The following ARHGAP15 variants were observed in gnomAD, a reference collection of about 807,000 sequenced individuals.
ARHGAP15 encodes Rho GTPase activating protein 15, also known as rho GTPase-activating protein 15.
Under a neutral mutation model 63.7 loss-of-function variants are expected in ARHGAP15, and 51 were observed. That is an observed-to-expected ratio of 0.80 (90% CI 0.64 to 1.01). The LOEUF is 1.01. ARHGAP15 is among the 50% of genes least tolerant of loss of function. The pLI, the probability that ARHGAP15 is intolerant of heterozygous loss-of-function variation, is 0.00. For synonymous variants in ARHGAP15, 191 were observed against 193.8 expected, an observed-to-expected ratio of 0.99 and a Z score of 0.12; for missense variants, 560 against 564.6, an observed-to-expected ratio of 0.99 and a Z score of 0.08.
intron 8 of ARHGAP15, among the ~76,000 whole-genome samples, chr2:143,471,197 C>CTT (rs1691544945): frequency 7.1e-6 from 1 of 140,018 alleles, no homozygotes; most frequent in African/African-American, 2.6e-5. Flanking sequence ...TATATACACA[C>CTT]ATATATGTGT....
intron 5 of ARHGAP15, among the ~76,000 whole-genome samples, chr2:143,235,678 C>T (rs1421931719): frequency 6.6e-6 from 1 of 152,182 alleles, no homozygotes; most frequent in Non-Finnish European, 1.5e-5. Flanking sequence ...GAGGATGCTC[C>T]TTCTTCGAGG....
intron 6 of ARHGAP15, among the ~76,000 whole-genome samples, chr2:143,430,353 A>C (rs1001151647): frequency 6.6e-6 from 1 of 152,070 alleles, no homozygotes; most frequent in African/African-American, 2.4e-5. Flanking sequence ...AACTTTGCTC[A>C]ACATGTTAAG....
chr2:143,236,245 A>G (rs930132340), intron 5 of ARHGAP15: 1 of 294,576 alleles, frequency 3.4e-6, no homozygotes, highest in African/African-American at 2.2e-5. Flanking sequence ...ATAATTTTGT[A>G]TAGGTTTATT....
At chr2:143,709,668 A>G (rs919767319) in intron 13 of ARHGAP15, among the ~76,000 whole-genome samples, 1 of 152,146 alleles carries the variant, frequency 6.6e-6, no homozygotes, top group African/African-American at 2.4e-5. Flanking sequence ...AAAGTAAACC[A>G]ATATTTAAAG....
intron 6 of ARHGAP15, among the ~76,000 whole-genome samples, chr2:143,341,253 T>C (rs1685046422): frequency 1.3e-5 from 2 of 152,108 alleles, no homozygotes; most frequent in Non-Finnish European, 2.9e-5. Flanking sequence ...TATCTTAGAA[T>C]AGCCCCTGAA....
At chr2:143,471,084 AT>A (rs1691530043) in intron 8 of ARHGAP15, among the ~76,000 whole-genome samples, 1 of 149,590 alleles carries the variant, frequency 6.7e-6, no homozygotes, top group Non-Finnish European at 1.5e-5. Flanking sequence ...ACATGTATAA[AT>A]GTATATGATA....
chr2:143,195,019 G>T (rs1288501271), intron 2 of ARHGAP15, among the ~76,000 whole-genome samples: 1 of 152,112 alleles, frequency 6.6e-6, no homozygotes, highest in South Asian at 2.1e-4. Flanking sequence ...AGGCTGGTGG[G>T]CACTGCAGGT....
At position 143,341,941 on chromosome 2, in the gene ARHGAP15, A is replaced by G. The variant is rs1685077142; in HGVS notation, c.474+91341A>G. Among the ~76,000 whole-genome samples, 3 of 152,178 alleles carry G rather than the reference A, an allele frequency of 2.0e-5. No individual in the cohort carries two copies. In the South Asian group the frequency reaches 6.2e-4, roughly 32 times the overall value. On this transcript the variant is annotated intron_variant, in intron 6 of 13. Coordinates refer to ENST00000295095, the MANE Select transcript of ARHGAP15 (RefSeq NM_018460.4). ...TTTCAGTTAGATGATATAAAAAGTT[A>G]TATAGTTTCAAACTTAAGAAATAGT...
intron 13 of ARHGAP15, among the ~76,000 whole-genome samples, chr2:143,726,509 A>T (rs915185161): frequency 2.0e-5 from 3 of 152,230 alleles, no homozygotes; most frequent in African/African-American, 7.2e-5. Flanking sequence ...TGGGTACCAC[A>T]CCCACACCTA....
At chr2:143,617,257 A>G (rs960380938) in intron 11 of ARHGAP15, among the ~76,000 whole-genome samples, 12 of 152,146 alleles carry the variant, frequency 7.9e-5, no homozygotes, top group Non-Finnish European at 1.6e-4. Context: ...TGTTGAGAAG[A>G]TGTATAGGTA....
At chr2:143,673,754 G>GTATA (rs1166388931) in intron 12 of ARHGAP15, among the ~76,000 whole-genome samples, 1 of 31,406 alleles carries the variant, frequency 3.2e-5, no homozygotes, top group African/African-American at 7.2e-5. Context: ...GTGTGTGTGT[G>GTATA]TGTGTATATA....
At chr2:143,479,737 CT>C (rs1301814499) in intron 8 of ARHGAP15, among the ~76,000 whole-genome samples, 1 of 151,616 alleles carries the variant, frequency 6.6e-6, no homozygotes, top group African/African-American at 2.4e-5. Flanking sequence ...ACATTTTACA[CT>C]GTATCTCATT....
At chr2:143,739,762 G>C (rs983221321) in intron 13 of ARHGAP15, among the ~76,000 whole-genome samples, 1 of 152,078 alleles carries the variant, frequency 6.6e-6, no homozygotes, top group African/African-American at 2.4e-5. Context: ...GACTTTTACT[G>C]AAGATTGACA....
intron 10 of ARHGAP15, among the ~76,000 whole-genome samples, chr2:143,548,511 A>T (rs1252102899): frequency 6.6e-6 from 1 of 151,968 alleles, no homozygotes; most frequent in Non-Finnish European, 1.5e-5. Context: ...ATTTTCTTAG[A>T]AACGAAAAAA....
chr2:143,151,745 T>C (rs1420428578), intron 1 of ARHGAP15, among the ~76,000 whole-genome samples: 1 of 151,874 alleles, frequency 6.6e-6, no homozygotes, highest in Non-Finnish European at 1.5e-5. Context: ...AGGGGGAAAC[T>C]GGGGAGTTGA....
intron 6 of ARHGAP15, among the ~76,000 whole-genome samples, chr2:143,305,832 G>C (rs910810831): frequency 1.1e-4 from 17 of 152,110 alleles, no homozygotes; most frequent in African/African-American, 4.1e-4. Flanking sequence ...TGGAATTTTA[G>C]CAACTGTTGT....
intron 6 of ARHGAP15, among the ~76,000 whole-genome samples, chr2:143,301,990 TA>T (rs1207106530): frequency 6.6e-6 from 1 of 151,902 alleles, no homozygotes; most frequent in Non-Finnish European, 1.5e-5. Flanking sequence ...GGTAATTTTA[TA>T]AAAAAAGTTA....
chr2:143,637,112 C>G (rs144876925), intron 12 of ARHGAP15, among the ~76,000 whole-genome samples: 1 of 149,064 alleles, frequency 6.7e-6, no homozygotes, highest in African/African-American at 2.5e-5. Context: ...TTGCCCCCCC[C>G]AAAGACCCTT....
At chr2:143,545,381 C>A (rs1339430232) in intron 10 of ARHGAP15, among the ~76,000 whole-genome samples, 1 of 152,080 alleles carries the variant, frequency 6.6e-6, no homozygotes, top group Non-Finnish European at 1.5e-5. Flanking sequence ...CAGAGATCTG[C>A]CAAAATCTTT....
Sources: allele counts gnomAD v4.1 joint callset (sites outside exome capture counted in the v4.1 genomes callset), GRCh38; gene constraint gnomAD v4.1.1; transcripts MANE v1.5; gene names NCBI Gene and HGNC (gene_info 2026-07-23, HGNC 2026-07-21).